The following SPRY3 variants were observed in gnomAD, a reference collection of about 807,000 sequenced individuals.
The protein encoded by SPRY3 is protein sprouty homolog 3.
Under a neutral mutation model 20.2 loss-of-function variants are expected in SPRY3, and 15 were observed. The ratio of observed to expected loss-of-function variants is 0.74; its 90% CI spans 0.50 to 1.14. The LOEUF (loss-of-function observed/expected upper bound fraction) is 1.14, where lower values mean the gene tolerates loss of function less well. Ranked by LOEUF, SPRY3 falls within the 50% of genes most tolerant of loss-of-function variation. The pLI is 0.00. For synonymous variants in SPRY3, 143 were observed against 136.5 expected (o/e 1.05, Z -0.33); for missense variants, 364 against 363.9 (o/e 1.00, Z 0.00).
intron 2 of SPRY3, among the ~76,000 whole-genome samples, chrX:155,714,732 A>C (rs2091009921): frequency 6.6e-6 from 1 of 152,054 alleles, no homozygotes; most frequent in Admixed American, 6.6e-5. Flanking sequence ...GGAGTCAAAA[A>C]ATGTAGCAAT....
At chrX:155,750,064 A>G (rs1268279123) in intron 2 of SPRY3, among the ~76,000 whole-genome samples, 1 of 151,790 alleles carries the variant, frequency 6.6e-6, no homozygotes, top group East Asian at 1.9e-4. Flanking sequence ...AAATATCACC[A>G]GAATACATAT....
intron 2 of SPRY3, among the ~76,000 whole-genome samples, chrX:155,708,881 A>G (rs2090968929): frequency 6.6e-6 from 1 of 151,230 alleles, no homozygotes; most frequent in East Asian, 1.9e-4. Context: ...AACCATCCCC[A>G]CCTTTTCCCT....
Position 155,689,575 on chromosome X carries a change from A to G in SPRY3, c.-282+32550A>G, listed in dbSNP as rs1028620125. 2.3e-5 allele frequency among the ~76,000 whole-genome samples: 2 copies of G among 86,488 alleles called. 1 individual carries two copies. The highest frequency in any genetic ancestry group is 6.8e-4 in the East Asian group (2 of 2,954). The allele number at this position is 86,488 out of a possible 115,157, so 75.1% of individuals were successfully genotyped here. On this transcript the variant is annotated intron_variant, in intron 2 of 3. Coordinates refer to ENST00000675360, the Ensembl canonical transcript of SPRY3. ...GTGTGTATGTGTCCAGGAATTTATC[A>G]ATTTCTTCCAGATTTTCTAGTTTAT... is the stretch of plus-strand genomic sequence containing the variant.
chrX:155,706,865 C>T (rs1414085892), intron 2 of SPRY3, among the ~76,000 whole-genome samples: 2 of 150,822 alleles, frequency 1.3e-5, no homozygotes, highest in East Asian at 3.9e-4. Context: ...AAAAGAACAC[C>T]GTAGGCCCAT....
intron 2 of SPRY3, among the ~76,000 whole-genome samples, chrX:155,707,669 T>C (rs1373198267): frequency 2.0e-5 from 3 of 151,232 alleles, no homozygotes; most frequent in Non-Finnish European, 3.0e-5. Flanking sequence ...GATTATGAAC[T>C]GGTCCCTTTA....
At chrX:155,767,917 TTGTTTTG>T (rs1461943397) in intron 2 of SPRY3, 38 bp from the exon 2 acceptor site, 5 of 127,854 alleles carry the variant, frequency 3.9e-5, no homozygotes, top group African/African-American at 1.0e-4. Flanking sequence ...TTGTTTTGTT[TTGTTTTG>T]TTTTGTTTTG....
At chrX:155,753,178 C>T (rs1435028180) in intron 2 of SPRY3, among the ~76,000 whole-genome samples, 1 of 151,870 alleles carries the variant, frequency 6.6e-6, no homozygotes, top group Non-Finnish European at 1.5e-5. Flanking sequence ...CGTTGTACAA[C>T]TATCACCACT....
In SPRY3 at chrX:155,614,743, T is replaced by G. The variant is rs782257646; in HGVS notation, c.-441+2096T>G. Among the ~76,000 whole-genome samples, 258 of 111,409 alleles carry G rather than the reference T, an allele frequency of 2.3e-3. 2 individuals are homozygous for G. Among genetic ancestry groups the G allele is most frequent in the Non-Finnish European group, 3.7e-3 (194 of 53,007 alleles). On this transcript the variant is annotated intron_variant, in intron 1 of 3. Coordinates refer to ENST00000675360, the Ensembl canonical transcript of SPRY3. ...CTTGTAATAAAATAAAAGTCAGATA[T>G]TTTACTGTTTCCTCTCTCTGTGTGT... is the stretch of plus-strand genomic sequence containing the variant.
At chrX:155,736,733 G>C (rs778696562) in intron 2 of SPRY3, among the ~76,000 whole-genome samples, 1 of 151,672 alleles carries the variant, frequency 6.6e-6, no homozygotes, top group East Asian at 1.9e-4. Flanking sequence ...CTGTGGTTTG[G>C]TATCTGTTAA....
chrX:155,751,978 T>TAAAAC (rs1234557830), intron 2 of SPRY3, among the ~76,000 whole-genome samples: 1 of 108,180 alleles, frequency 9.2e-6, no homozygotes, highest in Non-Finnish European at 1.8e-5. Flanking sequence ...TAAAATAAAA[T>TAAAAC]AAAATAAAGG....
chrX:155,751,963 TAAAATAAAATAAAATAA>T (rs1440947569), intron 2 of SPRY3, among the ~76,000 whole-genome samples: 1 of 133,516 alleles, frequency 7.5e-6, no homozygotes, highest in African/African-American at 2.9e-5. Flanking sequence ...TAAAATAAAA[TAAAATAAAATAAAATAA>T]AATAAAGGAA....
At chrX:155,773,338 AT>A (rs1426486121) in intron 3 of SPRY3, among the ~76,000 whole-genome samples, 3 of 145,366 alleles carry the variant, frequency 2.1e-5, no homozygotes, top group Non-Finnish European at 4.5e-5. Flanking sequence ...ATATATATAT[AT>A]ATGAGCAACT....
downstream of SPRY3, chrX:155,780,263 C>G (rs981817938): frequency 1.8e-5 from 3 of 167,016 alleles, no homozygotes; most frequent in African/African-American, 7.2e-5. Flanking sequence ...TGTCAAGGCT[C>G]TGGAAGCTCC....
chrX:155,614,522 G>A (rs2067844250), intron 1 of SPRY3, among the ~76,000 whole-genome samples: 1 of 111,280 alleles, frequency 9.0e-6, no homozygotes, highest in South Asian at 3.8e-4. Flanking sequence ...CTAAGTGTTT[G>A]TTTTATATCA....
intron 1 of SPRY3, among the ~76,000 whole-genome samples, chrX:155,625,265 A>G (rs9969912): frequency 0.018 from 1,954 of 111,578 alleles, 55 homozygotes; most frequent in African/African-American, 0.06. Context: ...ACTGATCCCC[A>G]TATACCTATC....
At chrX:155,766,788 A>G (rs1287762666) in intron 2 of SPRY3, among the ~76,000 whole-genome samples, 4 of 152,088 alleles carry the variant, frequency 2.6e-5, no homozygotes, top group African/African-American at 7.2e-5. Flanking sequence ...AATCCACAAC[A>G]CCTAGCACAA....
intron 2 of SPRY3, among the ~76,000 whole-genome samples, chrX:155,756,769 CT>C (rs1283355722): frequency 1.3e-5 from 2 of 151,998 alleles, no homozygotes; most frequent in African/African-American, 4.8e-5. Context: ...GACACAGAGA[CT>C]TACAGGTACA....
chrX:155,714,267 T>C (rs965044381), intron 2 of SPRY3, among the ~76,000 whole-genome samples: 11 of 152,204 alleles, frequency 7.2e-5, no homozygotes, highest in African/African-American at 2.7e-4. Context: ...CTTGTAGATG[T>C]TCTTCAGTGT....
At chrX:155,768,508 T>C (rs1433384323) in intron 3 of SPRY3, among the ~76,000 whole-genome samples, 2 of 151,778 alleles carry the variant, frequency 1.3e-5, no homozygotes, top group Non-Finnish European at 2.9e-5. Context: ...GAGCCCGTGC[T>C]AAGGCCAGTC....
Sources: gnomAD v4.1 joint callset for allele counts (sites outside exome capture counted in the v4.1 genomes callset) on GRCh38, gnomAD v4.1.1 for gene constraint, MANE v1.5 for transcripts, NCBI Gene and HGNC (gene_info 2026-07-23, HGNC 2026-07-21) for gene names.